Variants in PAPPA2 observed in about 807,000 individuals in gnomAD.
The protein encoded by PAPPA2 is pappalysin 2.
Under a neutral mutation model 176.4 loss-of-function variants are expected in PAPPA2, and 86 were observed. The ratio of observed to expected loss-of-function variants is 0.49; its 90% CI spans 0.41 to 0.58. The LOEUF is 0.58. PAPPA2 is among the 20% of genes least tolerant of loss of function. PAPPA2 has a pLI of 0.00. For missense variants in PAPPA2, 2,073 were observed against 2,256.9 expected, an observed-to-expected ratio of 0.92 and a Z score of 1.65; for synonymous variants, 809 against 852.2, an observed-to-expected ratio of 0.95 and a Z score of 0.88.
intron 4 of PAPPA2, among the ~76,000 whole-genome samples, chr1:176,671,498 G>T (rs1573227595): frequency 6.6e-6 from 1 of 152,292 alleles, no homozygotes. Context: ...AGACTGATGG[G>T]CTTCTTGTAT....
intron 1 of PAPPA2, among the ~76,000 whole-genome samples, chr1:176,468,094 A>C (rs1651709429): frequency 6.6e-6 from 1 of 152,146 alleles, no homozygotes; most frequent in Non-Finnish European, 1.5e-5. Context: ...ATTTATCTCA[A>C]GGTTTGTGGA....
intron 11 of PAPPA2, 97 bp downstream of exon 11, chr1:176,710,273 G>T (rs1249937633): frequency 3.6e-6 from 4 of 1,118,598 alleles, no homozygotes; most frequent in South Asian, 1.6e-5. Context: ...ATAATTAAAA[G>T]AAGAAGTAAG....
intron 4 of PAPPA2, among the ~76,000 whole-genome samples, chr1:176,681,395 C>T (rs1260744609): frequency 6.6e-6 from 1 of 152,106 alleles, no homozygotes; most frequent in Non-Finnish European, 1.5e-5. Flanking sequence ...GAAACTTGAA[C>T]CTGGATCATG....
At position 176,695,814 on chromosome 1, in the gene PAPPA2, C is replaced by T. The variant is rs1660350821; in HGVS notation, c.2701C>T (p.Arg901Trp). 3 of 1,614,024 alleles carry T rather than the reference C, an allele frequency of 1.9e-6. No individual in the cohort carries two copies. Among genetic ancestry groups the T allele is most frequent in the African/African-American group, 1.3e-5 (1 of 75,008 alleles). Residue 901 changes from arginine to tryptophan, a missense_variant, in exon 7 of 23, where the codon CGG becomes TGG. Physicochemically the swap from Arg to Trp is moderately radical, Grantham distance 101 (BLOSUM62 -3). Transcript: ENST00000367662. ...RQYVHTASSR[R>W]VCDSSGYWTP... ...GTATGTGCACACAGCTTCCTCCCGG[C>T]GGGTGTGTGACTCCTCAGGTTATTG... is the stretch of plus-strand genomic sequence containing the variant.
intron 3 of PAPPA2, among the ~76,000 whole-genome samples, chr1:176,656,098 C>A (rs1280069071): frequency 6.6e-6 from 1 of 151,722 alleles, no homozygotes; most frequent in African/African-American, 2.4e-5. Flanking sequence ...AACTTTCTCT[C>A]TCTTTGCTGG....
intron 3 of PAPPA2, among the ~76,000 whole-genome samples, chr1:176,605,458 A>C (rs894083234): frequency 6.6e-6 from 1 of 152,220 alleles, no homozygotes; most frequent in Non-Finnish European, 1.5e-5. Flanking sequence ...ATATTTCTCT[A>C]AATCTTAGTT....
chr1:176,725,973 A>G (rs769227655), intron 12 of PAPPA2, among the ~76,000 whole-genome samples: 7 of 151,910 alleles, frequency 4.6e-5, no homozygotes, highest in Non-Finnish European at 1.0e-4. Context: ...GTAGAGACGG[A>G]GTTTCACCGT....
At chr1:176,582,173 C>T (rs1380883417) in intron 2 of PAPPA2, among the ~76,000 whole-genome samples, 8 of 151,960 alleles carry the variant, frequency 5.3e-5, no homozygotes, top group African/African-American at 1.5e-4. Context: ...GTGATCCACC[C>T]GCCTCGGCCT....
rs1667573070 is a variant in PAPPA2, at chr1:176,843,892, A to T, written c.*1438A>T. Reference sequence around the variant, plus strand: ...GATTTTGACTTGAGCAAGCCATGGAAATGCATGGAGCAAGGGTGACACTCT... The same window carrying T: ...GATTTTGACTTGAGCAAGCCATGGATATGCATGGAGCAAGGGTGACACTCT... On this transcript the variant is annotated 3_prime_UTR_variant, in exon 23 of 23. Coordinates refer to ENST00000367662, the MANE Select transcript of PAPPA2 (RefSeq NM_020318.3). The T allele has an allele frequency of 6.6e-6, 1 of 152,156 alleles. No homozygotes were observed. Among genetic ancestry groups the T allele is most frequent in the South Asian group, 2.1e-4 (1 of 4,818 alleles). The allele number at this position is 152,156 out of a possible 1,614,324, so 9.4% of individuals were successfully genotyped here. A position where few individuals can be genotyped will look rare whatever the true frequency, so the allele number is the denominator to read the frequency against.
At position 176,646,401 on chromosome 1, in the gene PAPPA2, TTG is replaced by T. The variant is rs779013366; in HGVS notation, c.1992-24568_1992-24567del. Among the ~76,000 whole-genome samples the T allele has an allele frequency of 2.4e-4, 37 of 151,386 alleles. 1 individual carries two copies. The highest frequency in any genetic ancestry group is 4.7e-4 in the Non-Finnish European group (32 of 67,610). On this transcript the variant is annotated intron_variant, in intron 3 of 22. Transcript: ENST00000367662. ...ATCACCTCAAGCATTTATCCTTTCT[TTG>T]CATTACAAACATCTAGTTATACTCT...
intron 3 of PAPPA2, among the ~76,000 whole-genome samples, chr1:176,633,900 C>G (rs971044848): frequency 2.0e-5 from 3 of 152,212 alleles, no homozygotes; most frequent in African/African-American, 7.2e-5. Context: ...GAGATATCAT[C>G]TCACACCAGT....
chr1:176,482,219 T>C (rs1339682152), intron 1 of PAPPA2, among the ~76,000 whole-genome samples: 1 of 152,222 alleles, frequency 6.6e-6, no homozygotes, highest in African/African-American at 2.4e-5. Flanking sequence ...TGAAATCTAT[T>C]AGTCCAAATC....
chr1:176,746,166 C>T (rs1662895361), intron 14 of PAPPA2, among the ~76,000 whole-genome samples: 1 of 152,180 alleles, frequency 6.6e-6, no homozygotes, highest in Non-Finnish European at 1.5e-5. Flanking sequence ...TGCAATGTCT[C>T]TCCAGTGCCA....
chr1:176,471,384 CTG>C (rs534915972), intron 1 of PAPPA2, among the ~76,000 whole-genome samples: 151 of 152,296 alleles, frequency 9.9e-4, no homozygotes, highest in African/African-American at 2.2e-3. Context: ...CCCCAACACA[CTG>C]TGTGTGTCTG....
intron 3 of PAPPA2, among the ~76,000 whole-genome samples, chr1:176,658,290 G>A (rs1488183306): frequency 2.0e-5 from 3 of 151,956 alleles, no homozygotes; most frequent in African/African-American, 7.2e-5. Context: ...TAGAGTGGAT[G>A]TGATATTAGA....
intron 2 of PAPPA2, among the ~76,000 whole-genome samples, chr1:176,587,137 GT>G (rs985661847): frequency 3.4e-5 from 5 of 147,268 alleles, no homozygotes; most frequent in East Asian, 2.0e-4. Flanking sequence ...TGGGTTGTTT[GT>G]TTTTTTTTTC....
intron 21 of PAPPA2, among the ~76,000 whole-genome samples, chr1:176,831,140 G>A (rs895536286): frequency 3.3e-5 from 5 of 151,662 alleles, no homozygotes; most frequent in Non-Finnish European, 7.4e-5. Context: ...AAGGGTCAAG[G>A]AGTGATTCAG....
In PAPPA2 at chr1:176,844,374, C is replaced by T. The variant is rs1310254012; in HGVS notation, c.*1920C>T. On this transcript the variant is annotated 3_prime_UTR_variant, in exon 23 of 23. Transcript: ENST00000367662. ...GATAGAAATATTATCCACACTATCA[C>T]GTAGGGAAGAACAATATCCTGAAAG... The T allele has an allele frequency of 6.6e-6, 1 of 151,970 alleles. No individual in the cohort carries two copies. Among genetic ancestry groups the T allele is most frequent in the Non-Finnish European group, 1.5e-5 (1 of 68,008 alleles). The allele number at this position is 151,970 out of a possible 1,614,324, so 9.4% of individuals were successfully genotyped here.
rs1477796871 is a variant in PAPPA2 at position 176,594,543 on chromosome 1, C to T, written c.939C>T (p.Ser313=). 1.2e-6 allele frequency: 2 copies of T among 1,613,916 alleles called. No homozygotes were observed. The highest frequency in any genetic ancestry group is 2.2e-5 in the East Asian group (1 of 44,872). Residue 313 remains serine, a synonymous_variant, in exon 3 of 23, where the codon TCC becomes TCT. Transcript: ENST00000367662. ...TCCCAGGTGTGTTTGATAACTGCTC[C>T]CACACTGTCAGTGACAAAGGCTGGG... ...AIIAGVFDNC[S]HTVSDKGWAL...
Sources: gnomAD v4.1 joint callset for allele counts (sites outside exome capture counted in the v4.1 genomes callset) on GRCh38, gnomAD v4.1.1 for gene constraint, MANE v1.5 for transcripts, NCBI Gene and HGNC (gene_info 2026-07-23, HGNC 2026-07-21) for gene names.